The following DACH2 variants were observed in gnomAD, a reference collection of about 807,000 sequenced individuals.
DACH2 encodes dachshund family transcription factor 2.
DACH2 carries 17 observed loss-of-function variants against 35.8 expected under a neutral mutation model. The ratio of observed to expected loss-of-function variants is 0.48; its 90% CI spans 0.33 to 0.71. The LOEUF (loss-of-function observed/expected upper bound fraction) is 0.71, where lower values mean the gene tolerates loss of function less well. Ranked by LOEUF, DACH2 falls within the 30% of genes least tolerant of loss-of-function variation. DACH2 has a pLI of 0.02. For synonymous variants in DACH2, 195 were observed against 177.3 expected (o/e 1.10, Z -0.79); for missense variants, 469 against 472.7 (o/e 0.99, Z 0.07).
At chrX:86,484,404 G>A (rs998813284) in intron 2 of DACH2, among the ~76,000 whole-genome samples, 2 of 111,756 alleles carry the variant, frequency 1.8e-5, no homozygotes, top group African/African-American at 6.5e-5. Flanking sequence ...ATTGTTGGCA[G>A]TTCAGCACCC....
intron 2 of DACH2, among the ~76,000 whole-genome samples, chrX:86,398,517 G>A (rs1226738814): frequency 8.9e-6 from 1 of 111,765 alleles, no homozygotes; most frequent in Non-Finnish European, 1.9e-5. Context: ...GCTTTCTCCT[G>A]TGGGCATTTA....
Position 86,696,445 on chromosome X carries a change from T to C in DACH2, c.931+1266T>C, listed in dbSNP as rs372466573. Reference sequence around the variant, plus strand: ...ATGTTATGAAAAGTTAAAAAAGGACTGATTAAAGTAGATTCAGGTTATAAA... The same window carrying C: ...ATGTTATGAAAAGTTAAAAAAGGACCGATTAAAGTAGATTCAGGTTATAAA... On this transcript the variant is annotated intron_variant, in intron 5 of 11. Transcript: ENST00000373125. 5.3e-5 allele frequency among the ~76,000 whole-genome samples: 6 copies of C among 112,292 alleles called. No individual in the cohort carries two copies. In the East Asian group the frequency reaches 1.7e-3, roughly 31 times the overall value.
chrX:86,650,997 T>C (rs376271535), intron 3 of DACH2, 39 bp from the exon 4 acceptor site: 129 of 1,093,776 alleles, frequency 1.2e-4, no homozygotes, highest in Non-Finnish European at 1.5e-4. Context: ...AAATTATTAA[T>C]ATAAATAAAT....
intron 7 of DACH2, among the ~76,000 whole-genome samples, chrX:86,741,511 A>G (rs5923624): frequency 0.48 from 53,521 of 110,413 alleles, 9,466 homozygotes; most frequent in Middle Eastern, 0.64. Flanking sequence ...GTGGATCAGA[A>G]CTTGAGGCTA....
At chrX:86,407,471 A>G (rs1457468226) in intron 2 of DACH2, among the ~76,000 whole-genome samples, 3 of 112,418 alleles carry the variant, frequency 2.7e-5, no homozygotes, top group Non-Finnish European at 5.6e-5. Context: ...CACGATTAGT[A>G]CAGACAAAAG....
intron 4 of DACH2, among the ~76,000 whole-genome samples, chrX:86,674,973 A>G (rs1386466694): frequency 9.0e-6 from 1 of 111,009 alleles, no homozygotes; most frequent in Admixed American, 9.7e-5. Flanking sequence ...GAAAAAAACA[A>G]CATGTAATAT....
At chrX:86,454,805 G>A (rs952714993) in intron 2 of DACH2, among the ~76,000 whole-genome samples, 8 of 111,953 alleles carry the variant, frequency 7.1e-5, no homozygotes, top group African/African-American at 2.6e-4. Flanking sequence ...GCCCACTTCT[G>A]TGCCCTTGCT....
chrX:86,248,098 A>T (rs1292112534), intron 1 of DACH2, among the ~76,000 whole-genome samples: 1 of 111,542 alleles, frequency 9.0e-6, no homozygotes, highest in African/African-American at 3.3e-5. Flanking sequence ...AATGGGCAAA[A>T]GCTGCAAGCA....
intron 1 of DACH2, among the ~76,000 whole-genome samples, chrX:86,205,212 C>G (rs771170561): frequency 2.2e-4 from 25 of 111,516 alleles, no homozygotes; most frequent in Non-Finnish European, 4.3e-4. Flanking sequence ...AAACAAATGA[C>G]TTACCCAGGG....
At chrX:86,660,899 A>G (rs759629703) in intron 4 of DACH2, among the ~76,000 whole-genome samples, 2 of 111,277 alleles carry the variant, frequency 1.8e-5, no homozygotes, top group African/African-American at 6.5e-5. Flanking sequence ...AATATCTCCA[A>G]CATTTAATGG....
At chrX:86,469,679 G>A (rs1304481422) in intron 2 of DACH2, among the ~76,000 whole-genome samples, 2 of 110,785 alleles carry the variant, frequency 1.8e-5, no homozygotes, top group Non-Finnish European at 3.8e-5. Flanking sequence ...AACGCTGTTG[G>A]TAGAGGAGAT....
chrX:86,299,323 A>G (rs1486978628), intron 1 of DACH2, among the ~76,000 whole-genome samples: 1 of 111,583 alleles, frequency 9.0e-6, no homozygotes, highest in African/African-American at 3.3e-5. Flanking sequence ...ACTGTGATGC[A>G]GTTCTCTCTA....
At chrX:86,346,524 A>G (rs754920618) in intron 1 of DACH2, among the ~76,000 whole-genome samples, 12 of 111,089 alleles carry the variant, frequency 1.1e-4, no homozygotes, top group Admixed American at 5.8e-4. Context: ...AGTATGTACC[A>G]TTTTCATCTT....
chrX:86,295,945 A>G (rs1408220440), intron 1 of DACH2, among the ~76,000 whole-genome samples: 1 of 110,549 alleles, frequency 9.0e-6, no homozygotes, highest in Admixed American at 9.7e-5. Flanking sequence ...GTGTGTATAG[A>G]TAGTTGTTAA....
At chrX:86,220,431 A>G (rs915451701) in intron 1 of DACH2, among the ~76,000 whole-genome samples, 2 of 111,066 alleles carry the variant, frequency 1.8e-5, no homozygotes, top group Non-Finnish European at 3.8e-5. Flanking sequence ...GCTTCTGTGA[A>G]CTTTTCTGTT....
intron 1 of DACH2, among the ~76,000 whole-genome samples, chrX:86,280,645 A>G (rs1275778311): frequency 8.9e-6 from 1 of 112,388 alleles, no homozygotes; most frequent in Non-Finnish European, 1.9e-5. Flanking sequence ...CAATTAAAAG[A>G]CACAGACTGG....
chrX:86,149,734 G>A (rs1045602285), intron 1 of DACH2, among the ~76,000 whole-genome samples: 132 of 112,403 alleles, frequency 1.2e-3, no homozygotes, highest in African/African-American at 4.1e-3. Flanking sequence ...TGCTTGCTGC[G>A]CAAAGCTCCC....
chrX:86,774,295 GC>G (rs1003461762), intron 7 of DACH2, among the ~76,000 whole-genome samples: 12 of 111,606 alleles, frequency 1.1e-4, no homozygotes, highest in African/African-American at 3.9e-4. Flanking sequence ...AGAAGTCACA[GC>G]CCCCCTTTTA....
At chrX:86,696,708 G>A (rs964478524) in intron 5 of DACH2, among the ~76,000 whole-genome samples, 1 of 111,523 alleles carries the variant, frequency 9.0e-6, no homozygotes, top group African/African-American at 3.3e-5. Flanking sequence ...AGATAATTGA[G>A]TAATTGCAGG....
Sources: allele counts gnomAD v4.1 joint callset (sites outside exome capture counted in the v4.1 genomes callset), GRCh38; gene constraint gnomAD v4.1.1; transcripts MANE v1.5; gene names NCBI Gene and HGNC (gene_info 2026-07-23, HGNC 2026-07-21).